ATXN1: variants seen among roughly 807,000 people sequenced by gnomAD.
The protein encoded by ATXN1 is ataxin-1.
A neutral mutation model predicts 56.4 loss-of-function variants in ATXN1; 8 were observed. That is an observed-to-expected ratio of 0.14 (90% CI 0.08 to 0.26). The LOEUF (loss-of-function observed/expected upper bound fraction) is 0.26. Among genes scored for constraint, ATXN1 ranks in the 10% least tolerant of loss-of-function variants. The probability of loss-of-function intolerance (pLI) is 1.00; values close to 1 mark genes in which losing one functional copy is unlikely to be tolerated. For missense variants in ATXN1, 987 were observed against 1,106.5 expected (o/e 0.89, Z 1.53); for synonymous variants, 514 against 494.6 (o/e 1.04, Z -0.52).
At chr6:16,373,101 TCC>T (rs2113493594) in intron 6 of ATXN1, among the ~76,000 whole-genome samples, 1 of 152,272 alleles carries the variant, frequency 6.6e-6, no homozygotes, top group Non-Finnish European at 1.5e-5. Context: ...TCCTGTTAAC[TCC>T]ATGGAGGAGG....
chr6:16,709,288 A>C (rs1333876569), intron 2 of ATXN1, among the ~76,000 whole-genome samples: 1 of 152,052 alleles, frequency 6.6e-6, no homozygotes, highest in Non-Finnish European at 1.5e-5. Context: ...ATTACTAAAA[A>C]CTTTATGTCA....
At chr6:16,644,190 C>A (rs1482833950) in intron 3 of ATXN1, among the ~76,000 whole-genome samples, 2 of 152,156 alleles carry the variant, frequency 1.3e-5, no homozygotes, top group Non-Finnish European at 2.9e-5. Flanking sequence ...TTGCACTACA[C>A]TGGAAATGTA....
chr6:16,605,975 A>T (rs1159389362), intron 3 of ATXN1, among the ~76,000 whole-genome samples: 3 of 152,118 alleles, frequency 2.0e-5, no homozygotes, highest in African/African-American at 7.2e-5. Flanking sequence ...AATAATGTTT[A>T]AAAAATTAGC....
At chr6:16,723,723 T>C (rs1470884670) in intron 2 of ATXN1, among the ~76,000 whole-genome samples, 1 of 152,074 alleles carries the variant, frequency 6.6e-6, no homozygotes, top group African/African-American at 2.4e-5. Context: ...ATAGTGCACT[T>C]CCTTACTTAG....
At chr6:16,744,529 C>A (rs973949090) in intron 2 of ATXN1, among the ~76,000 whole-genome samples, 21 of 152,100 alleles carry the variant, frequency 1.4e-4, no homozygotes, top group Admixed American at 1.2e-3. Context: ...CTGAGAAACA[C>A]ACAGGTCAGC....
At position 16,619,894 on chromosome 6, in the gene ATXN1, G is replaced by GA. The variant is rs374935642; in HGVS notation, c.-488-33988dup. ...TCCGTCTCTAAGGGAAAAAAAAAAA[G>GA]AAAAAAAAAAAACATAGCTCTATCA... is the stretch of plus-strand genomic sequence containing the variant. On this transcript the variant is annotated intron_variant, in intron 3 of 7. Transcript: ENST00000436367. 2.0e-3 allele frequency among the ~76,000 whole-genome samples: 283 copies of GA among 139,702 alleles called. No homozygotes were observed. In the Middle Eastern group the frequency reaches 0.026, roughly 13 times the overall value. 91.6% of individuals were successfully genotyped at this position (139,702 alleles called of 152,430 possible). A position where few individuals can be genotyped will look rare whatever the true frequency, so the allele number is the denominator to read the frequency against.
intron 6 of ATXN1, among the ~76,000 whole-genome samples, chr6:16,385,051 G>T (rs9464882): frequency 0.12 from 17,785 of 152,178 alleles, 1,096 homozygotes; most frequent in African/African-American, 0.14. Flanking sequence ...CTGATGGCAG[G>T]GTTGAGTTTT....
At chr6:16,446,843 T>C (rs1026227235) in intron 6 of ATXN1, among the ~76,000 whole-genome samples, 9 of 152,178 alleles carry the variant, frequency 5.9e-5, no homozygotes, top group African/African-American at 2.2e-4. Flanking sequence ...GTGTGGTTAA[T>C]AAACTAGAGG....
intron 7 of ATXN1, among the ~76,000 whole-genome samples, chr6:16,310,645 C>T (rs748725633): frequency 3.3e-5 from 5 of 152,052 alleles, no homozygotes; most frequent in Admixed American, 6.5e-5. Context: ...ACCACCACCA[C>T]GCCCAGCTAC....
Position 16,760,984 on chromosome 6 carries a change from C to T in ATXN1, c.-730+314G>A, listed in dbSNP as rs1383182858. Among the ~76,000 whole-genome samples, 1 of 149,726 alleles carries T rather than the reference C, an allele frequency of 6.7e-6. No homozygotes were observed. Among genetic ancestry groups the T allele is most frequent in the Non-Finnish European group, 1.5e-5 (1 of 67,162 alleles). On this transcript the variant is annotated intron_variant, in intron 1 of 7. Coordinates refer to ENST00000436367, the MANE Select transcript of ATXN1 (RefSeq NM_001128164.2). This position sits in a 1 kb window ranked among gnomAD's most constrained non-coding sequence, Gnocchi z 5.3. Reference sequence around the variant, plus strand: ...GGGCGCCCACCCAGCCCCTGACAGCCCCCCCGCCGGCCGCCCCTGCGCCCA... The same window carrying T: ...GGGCGCCCACCCAGCCCCTGACAGCTCCCCCGCCGGCCGCCCCTGCGCCCA...
chr6:16,488,282 A>C (rs1760591113), intron 5 of ATXN1, among the ~76,000 whole-genome samples: 1 of 152,190 alleles, frequency 6.6e-6, no homozygotes, highest in South Asian at 2.1e-4. Context: ...CCCTCCCCCA[A>C]AAAGGACTGA....
chr6:16,476,111 G>A (rs565182123), intron 6 of ATXN1, among the ~76,000 whole-genome samples: 2 of 152,190 alleles, frequency 1.3e-5, no homozygotes, highest in East Asian at 3.9e-4. Context: ...GACCTCAGGT[G>A]ATCCACCCGC....
At chr6:16,657,380 A>G (rs1758228646) in intron 3 of ATXN1, among the ~76,000 whole-genome samples, 1 of 152,210 alleles carries the variant, frequency 6.6e-6, no homozygotes, top group Non-Finnish European at 1.5e-5. Context: ...TGATCACAAG[A>G]CGCAAAAAAC....
At chr6:16,761,065 TACACACACACACACACACACACGCAC>T (rs890895509) in intron 1 of ATXN1, 3 of 324,010 alleles carry the variant, frequency 9.3e-6, no homozygotes, top group Non-Finnish European at 1.8e-5. Context: ...TGTACACACA[TACACACACACACACACACACACGCAC>T]ACACACAGAA....
chr6:16,443,208 CAAAAAAAA>C (rs70999325), intron 6 of ATXN1, among the ~76,000 whole-genome samples: 3 of 40,760 alleles, frequency 7.4e-5, no homozygotes, highest in African/African-American at 1.1e-4. Flanking sequence ...TCTATTGGAG[CAAAAAAAA>C]AAAAAAAAAA....
At chr6:16,752,346 T>G (rs1240145620) in intron 2 of ATXN1, among the ~76,000 whole-genome samples, 1 of 152,162 alleles carries the variant, frequency 6.6e-6, no homozygotes, top group African/African-American at 2.4e-5. Flanking sequence ...GGAGCATCAG[T>G]GCCTAGACAG....
intron 6 of ATXN1, among the ~76,000 whole-genome samples, chr6:16,444,077 C>T (rs1482470219): frequency 3.3e-5 from 5 of 149,998 alleles, no homozygotes; most frequent in Non-Finnish European, 2.9e-5. Context: ...GATTGCGCCA[C>T]TGCATTCCAG....
intron 5 of ATXN1, among the ~76,000 whole-genome samples, chr6:16,516,061 C>T (rs913015707): frequency 6.6e-6 from 1 of 152,214 alleles, no homozygotes; most frequent in Non-Finnish European, 1.5e-5. Flanking sequence ...CAGGCCGGGG[C>T]TTTAGCGTAA....
chr6:16,337,173 T>C (rs1761141944), intron 6 of ATXN1, among the ~76,000 whole-genome samples: 1 of 152,246 alleles, frequency 6.6e-6, no homozygotes. Context: ...TGCTACTACC[T>C]GTCCACATAA....
Sources: allele counts gnomAD v4.1 joint callset (sites outside exome capture counted in the v4.1 genomes callset), GRCh38; gene constraint gnomAD v4.1.1; non-coding constraint Gnocchi (gnomAD v3.1); transcripts MANE v1.5; gene names NCBI Gene and HGNC (gene_info 2026-07-23, HGNC 2026-07-21).